ZNF804A: variants seen among roughly 807,000 people sequenced by gnomAD.
ZNF804A encodes the protein zinc finger protein 804A.
ZNF804A carries 2 observed loss-of-function variants against 16.5 expected under a neutral mutation model. The observed-to-expected ratio is 0.12, with a 90% confidence interval of 0.05 to 0.38. The LOEUF (loss-of-function observed/expected upper bound fraction) is 0.38. ZNF804A is among the 10% of genes least tolerant of loss of function. ZNF804A has a pLI of 0.99. For synonymous variants in ZNF804A, 534 were observed against 489.6 expected, an observed-to-expected ratio of 1.09 and a Z score of -1.20; for missense variants, 1,473 against 1,390.7, an observed-to-expected ratio of 1.06 and a Z score of -0.94.
intron 1 of ZNF804A, among the ~76,000 whole-genome samples, chr2:184,808,544 G>A (rs1268938419): frequency 6.6e-6 from 1 of 151,042 alleles, no homozygotes; most frequent in Non-Finnish European, 1.5e-5. Flanking sequence ...ATGAAATTTT[G>A]GATTATATCT....
chr2:184,817,089 A>C (rs1445853700), intron 1 of ZNF804A, among the ~76,000 whole-genome samples: 1 of 151,974 alleles, frequency 6.6e-6, no homozygotes, highest in East Asian at 1.9e-4. Context: ...AAGACCAGTA[A>C]AACCATGAGC....
intron 1 of ZNF804A, among the ~76,000 whole-genome samples, chr2:184,708,562 A>G (rs1693071837): frequency 6.6e-6 from 1 of 152,140 alleles, no homozygotes; most frequent in Non-Finnish European, 1.5e-5. Context: ...ACCAAATTCA[A>G]CAAACGGTGC....
At chr2:184,903,532 C>G (rs920283034) in intron 2 of ZNF804A, among the ~76,000 whole-genome samples, 9 of 152,080 alleles carry the variant, frequency 5.9e-5, no homozygotes, top group Non-Finnish European at 1.2e-4. Context: ...TATGGTTGCA[C>G]AGTGACAAAA....
intron 1 of ZNF804A, among the ~76,000 whole-genome samples, chr2:184,819,091 A>G (rs1258394822): frequency 6.6e-6 from 1 of 152,092 alleles, no homozygotes. Flanking sequence ...AGAACTCTCC[A>G]CCCAAAAGTG....
chr2:184,923,384 G>C (rs1485915484), intron 2 of ZNF804A, among the ~76,000 whole-genome samples: 1 of 151,758 alleles, frequency 6.6e-6, no homozygotes, highest in Non-Finnish European at 1.5e-5. Flanking sequence ...ACTGATTTTT[G>C]TATGTTGATT....
intron 1 of ZNF804A, among the ~76,000 whole-genome samples, chr2:184,749,339 T>A (rs1015776218): frequency 2.6e-5 from 4 of 151,418 alleles, no homozygotes; most frequent in African/African-American, 9.7e-5. Flanking sequence ...TTTGTGGCTA[T>A]TTTAAATGGG....
intron 1 of ZNF804A, among the ~76,000 whole-genome samples, chr2:184,682,959 G>C (rs1692566379): frequency 1.3e-5 from 2 of 152,200 alleles, no homozygotes; most frequent in South Asian, 4.1e-4. Context: ...AGTGAGCTGT[G>C]ATTGTGCCTC....
chr2:184,700,582 T>A (rs1692903358), intron 1 of ZNF804A, among the ~76,000 whole-genome samples: 1 of 152,090 alleles, frequency 6.6e-6, no homozygotes, highest in East Asian at 1.9e-4. Flanking sequence ...AGGGCAGCTG[T>A]AAGTTTCAAC....
chr2:184,651,672 C>G (rs1160208488), intron 1 of ZNF804A, among the ~76,000 whole-genome samples: 2 of 151,800 alleles, frequency 1.3e-5, no homozygotes, highest in Non-Finnish European at 2.9e-5. Context: ...ATACAAGTGG[C>G]CAACAAACAT....
rs150269091 is a variant in ZNF804A, at chr2:184,828,665, A to T, written c.112-37704A>T. 1.1e-4 allele frequency among the ~76,000 whole-genome samples: 16 copies of T among 151,988 alleles called. No homozygotes were observed. In the East Asian group the frequency reaches 2.5e-3, roughly 24 times the overall value. Reference sequence around the variant, plus strand: ...TTATTTCCTAATATATCAATGTTACAGGTTCCCTTGACTTCATGATGTGTA... The same window carrying T: ...TTATTTCCTAATATATCAATGTTACTGGTTCCCTTGACTTCATGATGTGTA... On this transcript the variant is annotated intron_variant, in intron 1 of 3. Coordinates refer to ENST00000302277, the MANE Select transcript of ZNF804A (RefSeq NM_194250.2).
chr2:184,871,608 T>C (rs981790215), intron 2 of ZNF804A, among the ~76,000 whole-genome samples: 1 of 151,844 alleles, frequency 6.6e-6, no homozygotes, highest in Non-Finnish European at 1.5e-5. Context: ...ACAATATATA[T>C]GTATGAATGA....
chr2:184,925,351 C>T (rs2105838761), intron 2 of ZNF804A, among the ~76,000 whole-genome samples: 1 of 152,078 alleles, frequency 6.6e-6, no homozygotes, highest in African/African-American at 2.4e-5. Context: ...ACTATAGCTA[C>T]TCCTATCCTT....
intron 1 of ZNF804A, among the ~76,000 whole-genome samples, chr2:184,625,181 T>TC (rs1691477237): frequency 6.6e-6 from 1 of 152,134 alleles, no homozygotes; most frequent in African/African-American, 2.4e-5. Flanking sequence ...TGTGGGTTTT[T>TC]CCCCTCTAGT....
chr2:184,877,888 TA>T, intron 2 of ZNF804A, among the ~76,000 whole-genome samples: 1 of 152,074 alleles, frequency 6.6e-6, no homozygotes, highest in Non-Finnish European at 1.5e-5. Context: ...ATGAAGAAAA[TA>T]AAGAGAGAAA....
chr2:184,882,657 C>A (rs1439828327), intron 2 of ZNF804A, among the ~76,000 whole-genome samples: 1 of 151,972 alleles, frequency 6.6e-6, no homozygotes, highest in Non-Finnish European at 1.5e-5. Flanking sequence ...CATATAGTTA[C>A]ATGGAAATTA....
intron 2 of ZNF804A, among the ~76,000 whole-genome samples, chr2:184,886,596 C>T (rs753131466): frequency 7.2e-5 from 11 of 152,250 alleles, no homozygotes; most frequent in Non-Finnish European, 1.6e-4. Flanking sequence ...GGCATCCAGG[C>T]ATTTCCATAC....
intron 1 of ZNF804A, among the ~76,000 whole-genome samples, chr2:184,788,777 A>C (rs2105777575): frequency 6.6e-6 from 1 of 152,160 alleles, no homozygotes; most frequent in East Asian, 1.9e-4. Flanking sequence ...TAATCAGTGA[A>C]CAGAGATAAT....
chr2:184,679,900 G>T (rs1225313008), intron 1 of ZNF804A, among the ~76,000 whole-genome samples: 2 of 152,174 alleles, frequency 1.3e-5, no homozygotes, highest in East Asian at 3.9e-4. Flanking sequence ...TGAGTTCCCA[G>T]TGAAACCCCA....
intron 1 of ZNF804A, among the ~76,000 whole-genome samples, chr2:184,761,481 C>T (rs1221733123): frequency 1.3e-5 from 2 of 152,066 alleles, no homozygotes; most frequent in Non-Finnish European, 2.9e-5. Flanking sequence ...ATTGAAATAG[C>T]ATTGCAAGTT....
Sources: allele counts gnomAD v4.1 joint callset (sites outside exome capture counted in the v4.1 genomes callset), GRCh38; gene constraint gnomAD v4.1.1; transcripts MANE v1.5; gene names NCBI Gene and HGNC (gene_info 2026-07-23, HGNC 2026-07-21).